Variants in SCTR observed in about 807,000 individuals in gnomAD.
SCTR encodes pancreatic secretin receptor.
In SCTR, 56 loss-of-function variants were observed where a neutral mutation model predicts 60.8. That is an observed-to-expected ratio of 0.92 (90% CI 0.74 to 1.15). The LOEUF (loss-of-function observed/expected upper bound fraction) is 1.15, where lower values mean the gene tolerates loss of function less well. Among genes scored for constraint, SCTR ranks in the 50% most tolerant of loss-of-function variants. The pLI, the probability that SCTR is intolerant of heterozygous loss-of-function variation, is 0.00. For synonymous variants in SCTR, 202 were observed against 217.0 expected (o/e 0.93, Z 0.61); for missense variants, 562 against 550.4 (o/e 1.02, Z -0.21).
chr2:119,440,917 T>C (rs1355629672), intron 12 of SCTR, among the ~76,000 whole-genome samples: 1 of 152,240 alleles, frequency 6.6e-6, no homozygotes, highest in Non-Finnish European at 1.5e-5. Flanking sequence ...ATCACTCCCA[T>C]TCAAGTGCAA....
intron 8 of SCTR, 62 bp downstream of exon 8, chr2:119,453,225 T>G (rs1210171362): frequency 1.6e-6 from 2 of 1,277,200 alleles, no homozygotes; most frequent in Admixed American, 3.4e-5. Flanking sequence ...GAAGTAACTA[T>G]GCTGTTTGAA....
intron 7 of SCTR, 37 bp downstream of exon 7, chr2:119,461,809 AC>A (rs1184855674): frequency 3.8e-6 from 6 of 1,564,336 alleles, no homozygotes; most frequent in Non-Finnish European, 5.2e-6. Flanking sequence ...ACCCCTTCCC[AC>A]ATACCATGCA....
At position 119,473,509 on chromosome 2, in the gene SCTR, G is replaced by T. The variant is rs755403367; in HGVS notation, c.349C>A (p.Pro117Thr). ...CTQDGWSETFPRPNLACGVNV... is the reference protein window; with the variant it reads ...CTQDGWSETFTRPNLACGVNV... ...ACGCCACAGGCCAGATTAGGCCTGG[G>T]GAAGGTTTCTGACCAGCCATCCTGT... The change falls in exon 4 of 13, where the codon CCC becomes ACC. Residue 117 changes from proline to threonine, a missense_variant. Physicochemically the swap from Pro to Thr is conservative, Grantham distance 38. Coordinates refer to ENST00000019103, the MANE Select transcript of SCTR (RefSeq NM_002980.3). The T allele has an allele frequency of 1.2e-6, 2 of 1,614,128 alleles. No individual in the cohort carries two copies. Among genetic ancestry groups the T allele is most frequent in the Admixed American group, 3.3e-5 (2 of 60,020 alleles).
chr2:119,520,844 T>C (rs2104962120), intron 1 of SCTR, among the ~76,000 whole-genome samples: 1 of 152,302 alleles, frequency 6.6e-6, no homozygotes, highest in Admixed American at 6.5e-5. Flanking sequence ...AAACCCAATG[T>C]GAAATGAATA....
rs1301505368 is a variant in SCTR at position 119,494,959 on chromosome 2, G to A, written c.73-411C>T. Among the ~76,000 whole-genome samples, 7 of 152,266 alleles carry A rather than the reference G, an allele frequency of 4.6e-5. No individual in the cohort carries two copies. In the East Asian group the frequency reaches 1.4e-3, roughly 29 times the overall value. ...CTTGTTTTCTATTTTTCTAGAGACA[G>A]GGTCGTTCTCTGTCACTCAGGCTGG... is the stretch of plus-strand genomic sequence containing the variant. On this transcript the variant is annotated intron_variant, in intron 1 of 12. Transcript: ENST00000019103.
chr2:119,491,123 C>T (rs1573895251), intron 2 of SCTR, among the ~76,000 whole-genome samples: 3 of 152,334 alleles, frequency 2.0e-5, no homozygotes, highest in Admixed American at 2.0e-4. Context: ...TATCTCTTGC[C>T]TAGACCACCA....
chr2:119,490,850 G>A (rs1678091892), intron 2 of SCTR, among the ~76,000 whole-genome samples: 2 of 152,190 alleles, frequency 1.3e-5, no homozygotes, highest in East Asian at 3.9e-4. Context: ...TTGTCCCTAA[G>A]CACAGCAGGC....
chr2:119,507,968 C>T (rs959234188), intron 1 of SCTR, among the ~76,000 whole-genome samples: 4 of 152,148 alleles, frequency 2.6e-5, no homozygotes, highest in Non-Finnish European at 5.9e-5. Context: ...TCTTACCACC[C>T]GTCTCTTTTG....
At chr2:119,451,692 T>A (rs1324093904) in intron 9 of SCTR, among the ~76,000 whole-genome samples, 2 of 152,194 alleles carry the variant, frequency 1.3e-5, no homozygotes, top group African/African-American at 4.8e-5. Context: ...TCTGAACCAG[T>A]GAAGGTGGAA....
intron 4 of SCTR, among the ~76,000 whole-genome samples, chr2:119,472,921 C>T (rs866568774): frequency 5.9e-5 from 9 of 152,326 alleles, no homozygotes; most frequent in Middle Eastern, 3.4e-3. Flanking sequence ...CCGCCACACC[C>T]GGCCAAAAGC....
At chr2:119,447,803 C>T (rs1682990866) in intron 10 of SCTR, among the ~76,000 whole-genome samples, 1 of 152,168 alleles carries the variant, frequency 6.6e-6, no homozygotes, top group Admixed American at 6.5e-5. Flanking sequence ...AACTCCTGAC[C>T]TCAAGTGATC....
chr2:119,452,123 G>C (rs1257004740), intron 8 of SCTR, 44 bp from the exon 9 acceptor site: 1 of 1,232,428 alleles, frequency 8.1e-7, no homozygotes. Flanking sequence ...AGGAGCTGTG[G>C]GAGCTGGGCT....
rs779456790 is a variant in SCTR at position 119,461,920 on chromosome 2, G to T, written c.717C>A (p.Tyr239Ter). 1.9e-6 allele frequency: 3 copies of T among 1,613,884 alleles called. No homozygotes were observed. The African/African-American group carries it at 4.0e-5, about 22-fold the overall frequency. ...NYSWLLVEGL[Y>*]LHTLLAISFF... ...AGGAGATGGCGAGGAGTGTGTGAAG[G>T]TAGAGGCCTTCCACCAGCAGCCAGG... Residue 239 changes from tyrosine (Y) to a stop codon, truncating the protein, a stop_gained, in exon 7 of 13, where the codon TAC becomes TAA. Transcript: ENST00000019103. LOFTEE classifies it high-confidence loss of function.
chr2:119,501,956 G>A (rs1678568513), intron 1 of SCTR, among the ~76,000 whole-genome samples: 1 of 152,170 alleles, frequency 6.6e-6, no homozygotes, highest in African/African-American at 2.4e-5. Flanking sequence ...CACATGCACA[G>A]TGAATTAAAA....
chr2:119,466,032 A>T (rs1683821512), intron 4 of SCTR, 146 bp from the exon 5 acceptor site: 3 of 613,682 alleles, frequency 4.9e-6, no homozygotes, highest in Admixed American at 2.5e-5. Flanking sequence ...CAGACACATA[A>T]CACCGTAACA....
intron 7 of SCTR, among the ~76,000 whole-genome samples, chr2:119,457,329 A>G (rs1314972659): frequency 6.6e-6 from 1 of 152,238 alleles, no homozygotes; most frequent in African/African-American, 2.4e-5. Context: ...AACACTATTT[A>G]CATAGATATA....
chr2:119,450,835 G>A (rs1683135361), intron 9 of SCTR, among the ~76,000 whole-genome samples: 1 of 152,134 alleles, frequency 6.6e-6, no homozygotes. Context: ...GGTGGTGGGA[G>A]CCTTTAGTCC....
intron 2 of SCTR, chr2:119,480,722 A>G (rs2587682): frequency 0.78 from 119,158 of 152,228 alleles, 47,549 homozygotes; most frequent in East Asian, 0.87. Context: ...GGGCAGCCAC[A>G]CAGGGAAACT....
intron 2 of SCTR, among the ~76,000 whole-genome samples, chr2:119,489,584 C>T (rs1043435233): frequency 2.0e-5 from 3 of 152,108 alleles, no homozygotes; most frequent in South Asian, 2.1e-4. Context: ...CTGCAGGAGT[C>T]GGGGTAACTC....
Sources: allele counts gnomAD v4.1 joint callset (sites outside exome capture counted in the v4.1 genomes callset), GRCh38; gene constraint gnomAD v4.1.1; transcripts MANE v1.5; gene names NCBI Gene and HGNC (gene_info 2026-07-23, HGNC 2026-07-21).